The following NAV3 variants were observed in gnomAD, a reference collection of about 807,000 sequenced individuals.
NAV3 encodes the protein pore membrane and/or filament interacting like protein 1.
NAV3 carries 87 observed loss-of-function variants against 244.7 expected under a neutral mutation model. The ratio of observed to expected loss-of-function variants is 0.36; its 90% CI spans 0.30 to 0.42. The LOEUF is 0.42. Ranked by LOEUF, NAV3 falls within the 20% of genes least tolerant of loss-of-function variation. NAV3 has a pLI of 1.00. For synonymous variants in NAV3, 1,126 were observed against 1,042.2 expected (o/e 1.08, Z -1.55); for missense variants, 2,663 against 2,893.3 (o/e 0.92, Z 1.83).
intron 9 of NAV3, chr12:78,037,193 C>T: frequency 1.4e-6 from 1 of 702,968 alleles, no homozygotes; most frequent in South Asian, 1.5e-5. Context: ...CAAGAAGAGG[C>T]TTGGAAGGTG....
chr12:77,931,120 G>T (rs562711457), intron 1 of NAV3, among the ~76,000 whole-genome samples: 1 of 151,198 alleles, frequency 6.6e-6, no homozygotes, highest in African/African-American at 2.4e-5. Flanking sequence ...TTTGACACTT[G>T]ACTTACTGAA....
At chr12:78,208,221 CTT>C (rs1366301323) in intron 39 of NAV3, among the ~76,000 whole-genome samples, 1 of 152,064 alleles carries the variant, frequency 6.6e-6, no homozygotes, top group Admixed American at 6.6e-5. Flanking sequence ...AAGCAAGACT[CTT>C]TAATAACCTG....
At chr12:77,738,377 G>A (rs1868262221) in intron 2 of NAV3, among the ~76,000 whole-genome samples, 1 of 152,144 alleles carries the variant, frequency 6.6e-6, no homozygotes, top group South Asian at 2.1e-4. Context: ...CAGGGTTATA[G>A]GAGACACTAG....
intron 18 of NAV3, among the ~76,000 whole-genome samples, chr12:78,132,506 G>T (rs1384042688): frequency 6.6e-6 from 1 of 152,044 alleles, no homozygotes; most frequent in East Asian, 1.9e-4. Context: ...TTCTCCTGGG[G>T]TTGCTCATCT....
At chr12:78,207,045 A>T (rs1296614406) in intron 39 of NAV3, among the ~76,000 whole-genome samples, 1 of 151,738 alleles carries the variant, frequency 6.6e-6, no homozygotes, top group Admixed American at 6.6e-5. Flanking sequence ...TTTAATAGAG[A>T]CGGGGTTTCT....
intron 2 of NAV3, among the ~76,000 whole-genome samples, chr12:77,674,314 A>T (rs909033378): frequency 1.3e-5 from 2 of 152,224 alleles, no homozygotes; most frequent in Admixed American, 6.5e-5. Flanking sequence ...ACACATTCTG[A>T]ATTCTACCCA....
intron 2 of NAV3, among the ~76,000 whole-genome samples, chr12:77,650,240 T>C (rs1214961162): frequency 2.0e-5 from 3 of 152,194 alleles, no homozygotes; most frequent in African/African-American, 7.2e-5. Context: ...TAGTTTAATT[T>C]CTTGTTTTAA....
chr12:77,811,494 T>A (rs1283196786), intron 2 of NAV3, among the ~76,000 whole-genome samples: 2 of 152,226 alleles, frequency 1.3e-5, no homozygotes, highest in African/African-American at 4.8e-5. Context: ...AAGCACTTTT[T>A]CAAGTTTGAT....
intron 1 of NAV3, among the ~76,000 whole-genome samples, chr12:77,859,779 A>AAAAAAAAAAAC (rs1878972906): frequency 6.7e-6 from 1 of 150,026 alleles, no homozygotes; most frequent in Admixed American, 6.6e-5. Flanking sequence ...AAAAAAAAAA[A>AAAAAAAAAAAC]AGACTAAATT....
intron 8 of NAV3, among the ~76,000 whole-genome samples, chr12:78,020,609 T>C (rs1158972074): frequency 4.6e-5 from 7 of 152,152 alleles, no homozygotes. Flanking sequence ...CATACTTTAT[T>C]AAAACCTAAG....
At chr12:77,831,763 T>G in intron 1 of NAV3, 59 bp downstream of exon 1, 3 of 1,526,452 alleles carry the variant, frequency 2.0e-6, no homozygotes, top group Non-Finnish European at 8.8e-7. Context: ...TCTCTTTAAG[T>G]GCACTATAAA....
At chr12:77,906,271 CAAAG>C (rs768980925) in intron 1 of NAV3, among the ~76,000 whole-genome samples, 9 of 151,934 alleles carry the variant, frequency 5.9e-5, no homozygotes, top group Non-Finnish European at 7.4e-5. Context: ...GACAGAGAGA[CAAAG>C]AAAAATGAGA....
Position 78,119,592 on chromosome 12 carries a change from C to A in NAV3, c.3396C>A (p.Thr1132=), listed in dbSNP as rs1233057303. Residue 1132 remains threonine (T), a synonymous_variant, in exon 15 of 40, where the codon ACC becomes ACA. Transcript: ENST00000397909. The part of the protein sequence containing the change: ...DVVLHVSSKT[T]LQYRSLPRPS... Reference sequence around the variant, plus strand: ...TGCTGCATGTTAGCTCAAAGACTACCCTACAATATCGCAGCTTGCCCCGCC... The same window carrying A: ...TGCTGCATGTTAGCTCAAAGACTACACTACAATATCGCAGCTTGCCCCGCC... The A allele has an allele frequency of 1.2e-6, 2 of 1,614,070 alleles. No homozygotes were observed. The highest frequency in any genetic ancestry group is 1.7e-5 in the Admixed American group (1 of 60,006).
intron 2 of NAV3, among the ~76,000 whole-genome samples, chr12:77,726,928 TA>T (rs1309149594): frequency 6.6e-6 from 1 of 151,838 alleles, no homozygotes; most frequent in Admixed American, 6.6e-5. Flanking sequence ...GCCAAGGTAA[TA>T]ATATGGGATT....
At chr12:77,719,404 T>A (rs926092175) in intron 2 of NAV3, among the ~76,000 whole-genome samples, 1 of 136,556 alleles carries the variant, frequency 7.3e-6, no homozygotes, top group Non-Finnish European at 1.5e-5. Flanking sequence ...CTTTCAGAGT[T>A]TTTTTTTTTT....
Position 78,175,471 on chromosome 12 carries a change from T to C in NAV3, c.5103+44T>C. 5.0e-6 allele frequency: 8 copies of C among 1,594,526 alleles called. No individual in the cohort carries two copies. The Middle Eastern group carries it at 6.7e-4, about 134-fold the overall frequency. On this transcript the variant is annotated intron_variant, in intron 25 of 39. Coordinates refer to ENST00000397909, the MANE Select transcript of NAV3 (RefSeq NM_001024383.2). ...TCTAATTCAGAAGCTTATTAATGCA[T>C]AATGTGTTAGGCCTTTTTCTTTGGG...
At chr12:78,150,298 T>C (rs1957023802) in intron 22 of NAV3, among the ~76,000 whole-genome samples, 1 of 152,066 alleles carries the variant, frequency 6.6e-6, no homozygotes, top group Non-Finnish European at 1.5e-5. Context: ...TCAGGATACT[T>C]GCAGATGTCT....
intron 12 of NAV3, among the ~76,000 whole-genome samples, chr12:78,099,815 T>G (rs1316224065): frequency 1.3e-5 from 2 of 151,956 alleles, no homozygotes; most frequent in African/African-American, 4.8e-5. Flanking sequence ...AAAATAGATG[T>G]TTCTACTCTC....
intron 23 of NAV3, among the ~76,000 whole-genome samples, chr12:78,165,513 A>C (rs972680548): frequency 6.6e-6 from 1 of 151,892 alleles, no homozygotes; most frequent in African/African-American, 2.4e-5. Context: ...ATATTTTAAA[A>C]ATTTCTAATG....
Sources: gnomAD v4.1 joint callset for allele counts (sites outside exome capture counted in the v4.1 genomes callset) on GRCh38, gnomAD v4.1.1 for gene constraint, MANE v1.5 for transcripts, NCBI Gene and HGNC (gene_info 2026-07-23, HGNC 2026-07-21) for gene names.